Variants in NRXN3 observed in about 807,000 individuals in gnomAD.
NRXN3 encodes neurexin III.
In NRXN3, 32 loss-of-function variants were observed where a neutral mutation model predicts 137.6. That is an observed-to-expected ratio of 0.23 (90% CI 0.18 to 0.31). The LOEUF is 0.31. Among genes scored for constraint, NRXN3 ranks in the 10% least tolerant of loss-of-function variants. NRXN3 has a pLI of 1.00. For missense variants in NRXN3, 1,574 were observed against 2,062.5 expected (o/e 0.76, Z 4.59); for synonymous variants, 798 against 784.5 (o/e 1.02, Z -0.29).
At chr14:78,967,913 C>T (rs746314720) in intron 13 of NRXN3, among the ~76,000 whole-genome samples, 11 of 151,988 alleles carry the variant, frequency 7.2e-5, no homozygotes, top group Admixed American at 2.0e-4. Context: ...GCTTTGTTGA[C>T]AATATTGTTA....
intron 15 of NRXN3, among the ~76,000 whole-genome samples, chr14:79,053,983 T>C (rs147770507): frequency 1.3e-5 from 2 of 152,098 alleles, no homozygotes; most frequent in African/African-American, 2.4e-5. Context: ...TTAGTGGCTC[T>C]TCATTGATGA....
At chr14:79,092,718 A>G (rs981828146) in intron 15 of NRXN3, among the ~76,000 whole-genome samples, 3 of 152,176 alleles carry the variant, frequency 2.0e-5, no homozygotes, top group Admixed American at 6.5e-5. Flanking sequence ...CTACCACAAC[A>G]TGATAGCTTG....
In NRXN3 at chr14:79,015,181, C is replaced by T. The variant is rs1011478959; in HGVS notation, c.3262+27040C>T. ...TGAGAATCTCCTTCTCTGTTGTCAC[C>T]GGTGCACCAACTGCCAAAGACACCA... On this transcript the variant is annotated intron_variant, in intron 15 of 20. Coordinates refer to ENST00000335750, the MANE Select transcript of NRXN3 (RefSeq NM_001330195.2). Among the ~76,000 whole-genome samples, 9 of 151,902 alleles carry T rather than the reference C, an allele frequency of 5.9e-5. No homozygotes were observed. The East Asian group carries it at 7.7e-4, about 13-fold the overall frequency.
At chr14:79,803,309 G>T (rs2099189125) in intron 19 of NRXN3, among the ~76,000 whole-genome samples, 1 of 152,070 alleles carries the variant, frequency 6.6e-6, no homozygotes, top group Admixed American at 6.6e-5. Flanking sequence ...ATTTATTAGG[G>T]TTGTCATAAC....
At chr14:79,307,662 CTCA>C (rs1398350162) in intron 15 of NRXN3, among the ~76,000 whole-genome samples, 2 of 152,150 alleles carry the variant, frequency 1.3e-5, no homozygotes, top group East Asian at 3.9e-4. Flanking sequence ...CAAGTTACTA[CTCA>C]TTATTGGTAG....
chr14:78,677,402 G>GTAAC (rs1555432392), intron 6 of NRXN3, among the ~76,000 whole-genome samples: 1 of 151,896 alleles, frequency 6.6e-6, no homozygotes, highest in African/African-American at 2.4e-5. Context: ...AGTGGAGGAA[G>GTAAC]TAACTGCAGA....
intron 15 of NRXN3, among the ~76,000 whole-genome samples, chr14:79,058,194 TA>T (rs1303877874): frequency 1.3e-5 from 2 of 151,782 alleles, no homozygotes; most frequent in African/African-American, 4.8e-5. Flanking sequence ...CAGGGGTGAT[TA>T]AAAGGATTGC....
chr14:79,413,482 T>A (rs2095449033), intron 15 of NRXN3, among the ~76,000 whole-genome samples: 1 of 152,072 alleles, frequency 6.6e-6, no homozygotes, highest in African/African-American at 2.4e-5. Flanking sequence ...GTGCTGTAAA[T>A]GTACATGATA....
At chr14:79,062,489 G>C (rs1013213960) in intron 15 of NRXN3, among the ~76,000 whole-genome samples, 8 of 152,132 alleles carry the variant, frequency 5.3e-5, no homozygotes, top group African/African-American at 1.9e-4. Flanking sequence ...CCCCAGAATG[G>C]TATTAATCCA....
chr14:79,261,645 TG>T (rs1568839126), intron 15 of NRXN3, among the ~76,000 whole-genome samples: 37 of 22,832 alleles, frequency 1.6e-3, no homozygotes, highest in African/African-American at 2.0e-3. Flanking sequence ...GTGTGTGTGA[TG>T]GGGTGGGGGC....
chr14:78,873,218 A>G (rs1038565930), intron 10 of NRXN3, among the ~76,000 whole-genome samples: 1 of 152,262 alleles, frequency 6.6e-6, no homozygotes, highest in African/African-American at 2.4e-5. Flanking sequence ...CCACACATCT[A>G]TACACTTTTC....
At chr14:79,339,270 T>A (rs1226010263) in intron 15 of NRXN3, among the ~76,000 whole-genome samples, 2 of 152,240 alleles carry the variant, frequency 1.3e-5, no homozygotes, top group African/African-American at 4.8e-5. Flanking sequence ...GACAAAATCA[T>A]TCTAAGCTGT....
intron 16 of NRXN3, among the ~76,000 whole-genome samples, chr14:79,547,136 C>G (rs920862274): frequency 2.0e-5 from 3 of 152,150 alleles, no homozygotes; most frequent in African/African-American, 7.2e-5. Context: ...ATGCCCACTT[C>G]CCCCTCTACA....
chr14:79,763,817 C>A (rs2099047110), intron 19 of NRXN3, among the ~76,000 whole-genome samples: 3 of 151,504 alleles, frequency 2.0e-5, no homozygotes, highest in Non-Finnish European at 2.9e-5. Flanking sequence ...CTCCTGATAC[C>A]ATTACACTGG....
chr14:78,667,912 T>C (rs1254435785), intron 6 of NRXN3, among the ~76,000 whole-genome samples: 2 of 151,988 alleles, frequency 1.3e-5, no homozygotes, highest in Non-Finnish European at 2.9e-5. Context: ...GCCTCCCGAG[T>C]AGCTGGGATT....
intron 15 of NRXN3, among the ~76,000 whole-genome samples, chr14:79,444,132 T>C (rs750171683): frequency 2.1e-4 from 32 of 152,146 alleles, no homozygotes; most frequent in Non-Finnish European, 4.4e-4. Context: ...TACATTGCAT[T>C]TACAGCAGAG....
At chr14:79,330,280 G>T (rs1376591728) in intron 15 of NRXN3, among the ~76,000 whole-genome samples, 5 of 152,072 alleles carry the variant, frequency 3.3e-5, no homozygotes, top group African/African-American at 1.2e-4. Context: ...GAAGGGATTT[G>T]CAATGATGGA....
At chr14:78,540,450 T>G (rs1430218642) in intron 4 of NRXN3, among the ~76,000 whole-genome samples, 5 of 151,018 alleles carry the variant, frequency 3.3e-5, no homozygotes, top group Non-Finnish European at 7.4e-5. Context: ...TTTTTTTTTT[T>G]TTGCTTTCCA....
intron 15 of NRXN3, among the ~76,000 whole-genome samples, chr14:79,129,517 G>A (rs2057101055): frequency 6.9e-6 from 1 of 144,422 alleles, no homozygotes; most frequent in Admixed American, 6.9e-5. Context: ...CTGAGTTCTA[G>A]TTTGATTGCA....
Sources: allele counts gnomAD v4.1 joint callset (sites outside exome capture counted in the v4.1 genomes callset), GRCh38; gene constraint gnomAD v4.1.1; transcripts MANE v1.5; gene names NCBI Gene and HGNC (gene_info 2026-07-23, HGNC 2026-07-21).